The following MYH11 variants were observed in gnomAD, a reference collection of about 807,000 sequenced individuals.
MYH11 encodes myosin heavy chain 11.
A neutral mutation model predicts 246.6 loss-of-function variants in MYH11; 80 were observed. That is an observed-to-expected ratio of 0.32 (90% CI 0.27 to 0.39). The LOEUF is 0.39. Among genes scored for constraint, MYH11 ranks in the 10% least tolerant of loss-of-function variants. The pLI is 1.00. For missense variants in MYH11, 2,158 were observed against 2,546.8 expected (o/e 0.85, Z 3.29); for synonymous variants, 1,071 against 1,015.5 (o/e 1.05, Z -1.04).
chr16:15,798,763 C>A, intron 3 of MYH11, 76 bp from the exon 4 acceptor site: 2 of 1,435,082 alleles, frequency 1.4e-6, no homozygotes, highest in African/African-American at 1.5e-5. Flanking sequence ...TGGCTCCTCC[C>A]AGGGCCCTCC....
intron 13 of MYH11, among the ~76,000 whole-genome samples, chr16:15,756,787 A>AT (rs1280337294): frequency 7.0e-6 from 1 of 143,860 alleles, no homozygotes; most frequent in African/African-American, 2.6e-5. Context: ...TGAAGAGTTC[A>AT]TAACTCTTTT....
At position 15,732,695 on chromosome 16, in the gene MYH11, G is replaced by C; in HGVS notation, c.3520C>G (p.Gln1174Glu). ...GCCTTCTTCAGCACCGTCACCTCCT[G>C]CTCCCTCTTGGCCCTTGGTGGGAGG... ...TQQELRAKRE[Q>E]EVTVLKKALD... Residue 1174 changes from glutamine to glutamate, a missense_variant, in exon 27 of 41, where the codon CAG becomes GAG. Physicochemically the swap from Gln to Glu is conservative, Grantham distance 29. Coordinates refer to ENST00000300036, the MANE Select transcript of MYH11 (RefSeq NM_002474.3). 1 of 1,614,216 alleles carries C rather than the reference G, an allele frequency of 6.2e-7. No individual in the cohort carries two copies. Among genetic ancestry groups the C allele is most frequent in the African/African-American group, 1.3e-5 (1 of 75,062 alleles).
chr16:15,713,479 G>A (rs2039936538), intron 40 of MYH11: 1 of 152,232 alleles, frequency 6.6e-6, no homozygotes, highest in Non-Finnish European at 1.5e-5. Flanking sequence ...GGCCTGCTCT[G>A]TGGGAAAAGG....
chr16:15,745,940 A>C (rs1337689780), intron 19 of MYH11, among the ~76,000 whole-genome samples: 1 of 146,322 alleles, frequency 6.8e-6, no homozygotes, highest in Non-Finnish European at 1.5e-5. Flanking sequence ...TTTCAGAGAC[A>C]GGGTCTGGCT....
chr16:15,812,809 C>T (rs1440925236), intron 3 of MYH11, among the ~76,000 whole-genome samples: 1 of 151,938 alleles, frequency 6.6e-6, no homozygotes, highest in Non-Finnish European at 1.5e-5. Flanking sequence ...GGAGGTCAAG[C>T]CTGCAGTGAG....
chr16:15,739,104 C>CTT (rs764928194), intron 23 of MYH11, among the ~76,000 whole-genome samples: 1,864 of 144,932 alleles, frequency 0.013, 44 homozygotes, highest in African/African-American at 0.045. Context: ...CTGCTGTATT[C>CTT]TTTTTTTTTT....
intron 1 of MYH11, among the ~76,000 whole-genome samples, chr16:15,841,484 G>C (rs1343036257): frequency 6.6e-6 from 1 of 152,114 alleles, no homozygotes; most frequent in Non-Finnish European, 1.5e-5. Context: ...GGGTGGAAAT[G>C]TGAAAATCTT....
At chr16:15,771,832 C>T in intron 8 of MYH11, 120 bp from the exon 9 acceptor site, 1 of 1,282,502 alleles carries the variant, frequency 7.8e-7, no homozygotes, top group Non-Finnish European at 1.1e-6. Flanking sequence ...AAGGCTTGAA[C>T]CGTTTAAAGC....
rs2041550847 is a variant in MYH11 at position 15,750,969 on chromosome 16, G to T, written c.1865-638C>A. Among the ~76,000 whole-genome samples the T allele has an allele frequency of 6.6e-6, 1 of 151,962 alleles. No homozygotes were observed. The highest frequency in any genetic ancestry group is 2.4e-5 in the African/African-American group (1 of 41,354). On this transcript the variant is annotated intron_variant, in intron 15 of 40. Transcript: ENST00000300036. This position sits in a 1 kb window ranked among gnomAD's most constrained non-coding sequence, Gnocchi z 4.3. ...TGCTCTCTTAGACAAGGAGGTGGTGGGCTCTGCTAAGTTGATATTTGAGCA... is the reference window on the plus strand; with the variant it reads ...TGCTCTCTTAGACAAGGAGGTGGTGTGCTCTGCTAAGTTGATATTTGAGCA...
At position 15,750,320 on chromosome 16, in the gene MYH11, C is replaced by A; in HGVS notation, c.1876G>T (p.Val626Leu). ...ADLWKDVDRI[V>L]GLDQMAKMTE... ...ATCTTGGCCATCTGGTCCAGGCCCA[C>A]GATGCGGTCCACTATGGGGCACAGC... Residue 626 changes from valine to leucine, a missense_variant, in exon 16 of 41, where the codon GTG (valine) becomes TTG (leucine). Val to Leu is a conservative substitution (Grantham distance 32, BLOSUM62 1). Coordinates refer to ENST00000300036, the MANE Select transcript of MYH11 (RefSeq NM_002474.3). The surrounding 1 kb of genome is among the most constrained non-coding windows in gnomAD (Gnocchi z 4.3). 6.2e-7 allele frequency: 1 copy of A among 1,604,010 alleles called. No individual in the cohort carries two copies. Among genetic ancestry groups the A allele is most frequent in the East Asian group, 2.2e-5 (1 of 44,540 alleles).
Position 15,772,970 on chromosome 16 carries a change from A to G in MYH11, c.890-1258T>C, listed in dbSNP as rs139943540. On this transcript the variant is annotated intron_variant, in intron 8 of 40. Transcript: ENST00000300036. Reference sequence around the variant, plus strand: ...GAAAACAAGCTCCCAATGATTCTACATTATGGTGACTAGTATAATTATTTC... The same window carrying G: ...GAAAACAAGCTCCCAATGATTCTACGTTATGGTGACTAGTATAATTATTTC... 6.2e-3 allele frequency among the ~76,000 whole-genome samples: 950 copies of G among 152,246 alleles called. 5 individuals carry two copies. The highest frequency in any genetic ancestry group is 0.02 in the Middle Eastern group (6 of 294).
chr16:15,752,344 A>G (rs2041594896), intron 15 of MYH11, among the ~76,000 whole-genome samples: 1 of 152,072 alleles, frequency 6.6e-6, no homozygotes, highest in South Asian at 2.1e-4. Flanking sequence ...CCCTGTGCCA[A>G]GAATAAAACC....
chr16:15,849,508 C>T (rs2044278039), intron 1 of MYH11, among the ~76,000 whole-genome samples: 1 of 152,122 alleles, frequency 6.6e-6, no homozygotes. Flanking sequence ...GTGGCGCGAT[C>T]TCTGCTTTCT....
intron 3 of MYH11, among the ~76,000 whole-genome samples, chr16:15,803,158 A>G (rs2042927514): frequency 6.6e-6 from 1 of 152,034 alleles, no homozygotes; most frequent in South Asian, 2.1e-4. Context: ...AAGCAGGAAA[A>G]AAGCAATCAA....
Position 15,703,881 on chromosome 16 carries a change from A to C in MYH11, c.*110T>G, listed in dbSNP as rs1291735978. 1 of 1,404,324 alleles carries C rather than the reference A, an allele frequency of 7.1e-7. No homozygotes were observed. Among genetic ancestry groups the C allele is most frequent in the South Asian group, 1.2e-5 (1 of 86,064 alleles). The allele number at this position is 1,404,324 out of a possible 1,614,324, so 87.0% of individuals were successfully genotyped here. A position where few individuals can be genotyped will look rare whatever the true frequency, so the allele number is the denominator to read the frequency against. On this transcript the variant is annotated 3_prime_UTR_variant, in exon 41 of 41. Transcript: ENST00000300036. ...TTTGAGAATGGATTTAGACAATGCT[A>C]AGTACAGTCTGCTGGGTTTTGCTTT...
intron 2 of MYH11, among the ~76,000 whole-genome samples, chr16:15,825,529 C>T (rs747972311): frequency 6.6e-6 from 1 of 152,078 alleles, no homozygotes; most frequent in Non-Finnish European, 1.5e-5. Flanking sequence ...TGCACTCTAG[C>T]CCCTGGGTGA....
In MYH11 at chr16:15,714,740, A is replaced by G. The variant is rs145110811; in HGVS notation, c.5786+169T>C. 8.5e-4 allele frequency: 732 copies of G among 865,606 alleles called. 1 individual carries two copies. The highest frequency in any genetic ancestry group is 5.3e-3 in the African/African-American group (320 of 60,500). The allele number at this position is 865,606 out of a possible 1,614,324, so 53.6% of individuals were successfully genotyped here. A position where few individuals can be genotyped will look rare whatever the true frequency, so the allele number is the denominator to read the frequency against. On this transcript the variant is annotated intron_variant, in intron 40 of 40. Transcript: ENST00000300036. ...CAAGGCAGGGCCCGGGTCTGATCTC[A>G]GTGCCTGGCCCACACTAAGCTTAGT...
chr16:15,778,973 G>T, intron 6 of MYH11, 130 bp from the exon 7 acceptor site: 1 of 865,412 alleles, frequency 1.2e-6, no homozygotes, highest in Non-Finnish European at 1.9e-6. Context: ...CGAACACTCA[G>T]AACCCCACAG....
chr16:15,812,478 A>C (rs1446678295), intron 3 of MYH11, among the ~76,000 whole-genome samples: 3 of 129,564 alleles, frequency 2.3e-5, no homozygotes, highest in Non-Finnish European at 3.1e-5. Flanking sequence ...GCACTTTGGG[A>C]GGTCAAGGCA....
Sources: gnomAD v4.1 joint callset for allele counts (sites outside exome capture counted in the v4.1 genomes callset) on GRCh38, gnomAD v4.1.1 for gene constraint, Gnocchi (gnomAD v3.1) non-coding constraint, MANE v1.5 for transcripts, NCBI Gene and HGNC (gene_info 2026-07-23, HGNC 2026-07-21) for gene names.